Variants in MAP4K5 observed in about 807,000 individuals in gnomAD.
MAP4K5 encodes the protein mitogen-activated protein kinase kinase kinase kinase 5.
In MAP4K5, 82 loss-of-function variants were observed where a neutral mutation model predicts 135.6. That is an observed-to-expected ratio of 0.60 (90% CI 0.51 to 0.73). MAP4K5 has a LOEUF of 0.73. Ranked by LOEUF, MAP4K5 falls within the 30% of genes least tolerant of loss-of-function variation. The pLI, the probability that MAP4K5 is intolerant of heterozygous loss-of-function variation, is 0.00. For missense variants in MAP4K5, 907 were observed against 1,010.9 expected (o/e 0.90, Z 1.39); for synonymous variants, 347 against 335.0 (o/e 1.04, Z -0.39).
intron 13 of MAP4K5, among the ~76,000 whole-genome samples, chr14:50,460,871 T>C (rs1428916168): frequency 6.6e-6 from 1 of 150,736 alleles, no homozygotes. Context: ...GGCCATATGA[T>C]GCTGGGCAAA....
intron 2 of MAP4K5, 169 bp from the exon 3 acceptor site, chr14:50,505,026 A>G: frequency 2.0e-6 from 1 of 497,362 alleles, no homozygotes; most frequent in Non-Finnish European, 3.5e-6. Context: ...AAAGAAAAAT[A>G]TAGATAAGAC....
At chr14:50,495,812 G>A (rs1595512602) in intron 3 of MAP4K5, among the ~76,000 whole-genome samples, 1 of 152,270 alleles carries the variant, frequency 6.6e-6, no homozygotes, top group East Asian at 1.9e-4. Flanking sequence ...AGTCAGAAAA[G>A]GACAAATACT....
chr14:50,466,756 T>C, intron 10 of MAP4K5, 111 bp from the exon 11 acceptor site: 1 of 569,256 alleles, frequency 1.8e-6, no homozygotes, highest in South Asian at 2.6e-5. Flanking sequence ...TGGACAATGA[T>C]GAAAACTACT....
chr14:50,525,766 C>T (rs918426341), intron 2 of MAP4K5, among the ~76,000 whole-genome samples: 2 of 152,096 alleles, frequency 1.3e-5, no homozygotes, highest in African/African-American at 2.4e-5. Flanking sequence ...ATCACTTGAG[C>T]CTGGGAGGCG....
chr14:50,508,682 T>C (rs1356902884), intron 2 of MAP4K5, among the ~76,000 whole-genome samples: 1 of 151,966 alleles, frequency 6.6e-6, no homozygotes, highest in Non-Finnish European at 1.5e-5. Flanking sequence ...AATCTGCATG[T>C]TGTGCACATG....
intron 9 of MAP4K5, 140 bp from the exon 10 acceptor site, chr14:50,468,922 A>C: frequency 1.5e-6 from 1 of 677,450 alleles, no homozygotes; most frequent in Non-Finnish European, 2.5e-6. Context: ...TTACTAAGTA[A>C]AGGCTTAAAT....
Position 50,531,169 on chromosome 14 carries a change from C to A in MAP4K5, c.108+773G>T, listed in dbSNP as rs568566815. Reference sequence around the variant, plus strand: ...TCCTCTGAACCATTCAAGAACTCAGCGGATTTGGGGAATTGGGTTTGCTTC... The same window carrying A: ...TCCTCTGAACCATTCAAGAACTCAGAGGATTTGGGGAATTGGGTTTGCTTC... On this transcript the variant is annotated intron_variant, in intron 2 of 32. Coordinates refer to ENST00000682126, the MANE Select transcript of MAP4K5 (RefSeq NM_006575.6). Among the ~76,000 whole-genome samples the A allele has an allele frequency of 2.0e-5, 3 of 152,306 alleles. No homozygotes were observed. In the East Asian group the frequency reaches 5.8e-4, roughly 29 times the overall value.
chr14:50,517,902 A>G (rs1052732797), intron 2 of MAP4K5, among the ~76,000 whole-genome samples: 1 of 152,260 alleles, frequency 6.6e-6, no homozygotes, highest in Non-Finnish European at 1.5e-5. Context: ...TGGGAAAAAG[A>G]AAGGCTTTAA....
At chr14:50,548,364 A>G (rs182980607) in intron 1 of MAP4K5, among the ~76,000 whole-genome samples, 14 of 152,272 alleles carry the variant, frequency 9.2e-5, no homozygotes, top group African/African-American at 3.4e-4. Context: ...GAAAGCAAAA[A>G]TATTGGTGAA....
intron 1 of MAP4K5, among the ~76,000 whole-genome samples, chr14:50,548,609 AT>A: frequency 6.6e-6 from 1 of 152,246 alleles, no homozygotes; most frequent in Admixed American, 6.5e-5. Flanking sequence ...TCCCAGGTTC[AT>A]GCCATTCTCC....
chr14:50,478,156 T>C (rs150059392), intron 6 of MAP4K5, among the ~76,000 whole-genome samples: 31 of 152,310 alleles, frequency 2.0e-4, no homozygotes, highest in African/African-American at 5.5e-4. Flanking sequence ...TGGTAGTTTG[T>C]ATCTCTTGTT....
intron 32 of MAP4K5, among the ~76,000 whole-genome samples, chr14:50,422,716 T>C (rs1288045609): frequency 2.0e-5 from 3 of 152,188 alleles, no homozygotes; most frequent in African/African-American, 7.2e-5. Flanking sequence ...CTTTTTAACT[T>C]AGATTAACTT....
intron 13 of MAP4K5, 85 bp from the exon 14 acceptor site, chr14:50,456,679 AATAT>A: frequency 2.7e-5 from 21 of 775,756 alleles, no homozygotes; most frequent in Non-Finnish European, 4.3e-5. Context: ...TTTATTGATA[AATAT>A]GAATATCTAC....
intron 23 of MAP4K5, among the ~76,000 whole-genome samples, chr14:50,439,753 C>T (rs2180497): frequency 9.9e-5 from 15 of 151,934 alleles, no homozygotes; most frequent in African/African-American, 3.1e-4. Context: ...TGGAAGGGAA[C>T]GGCCTCTAGT....
chr14:50,472,787 G>C (rs1258667442), intron 9 of MAP4K5, among the ~76,000 whole-genome samples: 1 of 152,088 alleles, frequency 6.6e-6, no homozygotes, highest in Non-Finnish European at 1.5e-5. Flanking sequence ...TGGCAAAACA[G>C]GTAAGTTTCC....
chr14:50,527,714 A>G (rs1002232347), intron 2 of MAP4K5, among the ~76,000 whole-genome samples: 1 of 152,186 alleles, frequency 6.6e-6, no homozygotes, highest in Admixed American at 6.5e-5. Context: ...GTCCCCTGGG[A>G]ACTAAACATG....
Position 50,447,426 on chromosome 14 carries a change from G to A in MAP4K5, c.1130C>T (p.Ala377Val). The change falls in exon 16 of 33, where the codon GCA (alanine) becomes GTA (valine). Residue 377 changes from alanine (A) to valine (V), a missense_variant. This residue lies in a region of MAP4K5 where 690 missense variants were observed against 777.4 expected (regional missense o/e 0.89). Transcript: ENST00000682126. ...MLQWNPFVDG[A>V]NTGKSTSKRA... The stretch of plus-strand genomic sequence containing the variant: ...GAAAACAACTTACTTGCCAGTATTT[G>A]CACCATCAACAAAAGGATTCCACTG... The A allele has an allele frequency of 6.5e-7, 1 of 1,547,760 alleles. No individual in the cohort carries two copies. Among genetic ancestry groups the A allele is most frequent in the Non-Finnish European group, 8.7e-7 (1 of 1,143,676 alleles).
At chr14:50,532,753 C>G (rs1383104454), upstream of MAP4K5, 7 of 152,796 alleles carry the variant, frequency 4.6e-5, no homozygotes, top group Non-Finnish European at 8.8e-5. Context: ...CACCGCGCCC[C>G]CCTAGCCGGG....
intron 11 of MAP4K5, among the ~76,000 whole-genome samples, 178 bp downstream of exon 11, chr14:50,466,405 A>C (rs940617704): frequency 6.6e-6 from 1 of 150,874 alleles, no homozygotes; most frequent in Non-Finnish European, 1.5e-5. Context: ...AAAAAAAAAA[A>C]CTACCAGAAA....
Sources: gnomAD v4.1 joint callset for allele counts (sites outside exome capture counted in the v4.1 genomes callset) on GRCh38, gnomAD v4.1.1 for gene constraint, gnomAD v4.1.1 regional missense constraint, MANE v1.5 for transcripts, NCBI Gene and HGNC (gene_info 2026-07-23, HGNC 2026-07-21) for gene names.